The following LARGE1 variants were observed in gnomAD, a reference collection of about 807,000 sequenced individuals.
The protein encoded by LARGE1 is LARGE xylosyl- and glucuronyltransferase 1.
LARGE1 carries 43 observed loss-of-function variants against 87.6 expected under a neutral mutation model. The observed-to-expected ratio is 0.49, with a 90% CI of 0.38 to 0.63. The LOEUF is 0.63. Among genes scored for constraint, LARGE1 ranks in the 30% least tolerant of loss-of-function variants. LARGE1 has a pLI of 0.00. For missense variants in LARGE1, 802 were observed against 1,000.2 expected (o/e 0.80, Z 2.67); for synonymous variants, 434 against 394.6 (o/e 1.10, Z -1.18).
At chr22:33,328,696 C>T (rs1429296076) in intron 10 of LARGE1, among the ~76,000 whole-genome samples, 2 of 152,034 alleles carry the variant, frequency 1.3e-5, no homozygotes, top group African/African-American at 4.8e-5. Flanking sequence ...ATCCATATAA[C>T]AACTAGGAGA....
At chr22:33,754,061 T>TA (rs1255711249) in intron 2 of LARGE1, among the ~76,000 whole-genome samples, 13 of 151,652 alleles carry the variant, frequency 8.6e-5, no homozygotes, top group African/African-American at 3.1e-4. Flanking sequence ...GACTCCATCT[T>TA]AAAAAAAAGT....
intron 9 of LARGE1, among the ~76,000 whole-genome samples, chr22:33,356,090 G>A (rs1940867418): frequency 6.6e-6 from 1 of 152,092 alleles, no homozygotes; most frequent in African/African-American, 2.4e-5. Context: ...AGAACTGTTT[G>A]GACATACACT....
At chr22:33,788,884 A>C (rs1433331230) in intron 1 of LARGE1, among the ~76,000 whole-genome samples, 1 of 152,238 alleles carries the variant, frequency 6.6e-6, no homozygotes, top group Non-Finnish European at 1.5e-5. Context: ...ATTGGAATTT[A>C]TGTTTACAAG....
In LARGE1 at chr22:33,493,602, TCAA is replaced by T. The variant is rs2069961554; in HGVS notation, c.788-61340_788-61338del. ...CTTTATTTATGTGGATAGTTCCAAA[TCAA>T]CACCCACCCCCACAACAGCAGCAAC... On this transcript the variant is annotated intron_variant, in intron 6 of 14. Transcript: ENST00000397394. 2.0e-5 allele frequency among the ~76,000 whole-genome samples: 3 copies of T among 152,124 alleles called. No homozygotes were observed. The South Asian group carries it at 6.2e-4, about 32-fold the overall frequency.
intron 1 of LARGE1, among the ~76,000 whole-genome samples, chr22:33,877,967 CAG>C (rs1675930549): frequency 6.6e-6 from 1 of 151,082 alleles, no homozygotes; most frequent in African/African-American, 2.4e-5. Context: ...ACAGTCCAGA[CAG>C]TATGAAATAA....
intron 11 of LARGE1, among the ~76,000 whole-genome samples, chr22:33,194,322 G>A (rs79372901): frequency 2.8e-3 from 425 of 152,156 alleles, no homozygotes; most frequent in African/African-American, 9.4e-3. Context: ...TATTGCAATC[G>A]TCCTTAACAT....
chr22:33,124,960 G>GAC, the LARGE1 span, among the ~76,000 whole-genome samples: 9 of 152,236 alleles, frequency 5.9e-5, no homozygotes, highest in Non-Finnish European at 1.2e-4. Context: ...GCAGTGAACT[G>GAC]AGTAACAACA....
chr22:33,257,023 T>C (rs1465085442), intron 11 of LARGE1, among the ~76,000 whole-genome samples: 4 of 152,154 alleles, frequency 2.6e-5, no homozygotes, highest in East Asian at 1.9e-4. Context: ...CTAACCAACA[T>C]GGAGAAAACG....
chr22:33,285,515 T>C (rs5998845), intron 12 of LARGE1, among the ~76,000 whole-genome samples: 9,917 of 152,094 alleles, frequency 0.065, 1,070 homozygotes, highest in African/African-American at 0.23. Flanking sequence ...TCCCAGCTAT[T>C]CAGGAGGCTG....
At chr22:33,762,358 G>C (rs1379607344) in intron 1 of LARGE1, among the ~76,000 whole-genome samples, 1 of 151,942 alleles carries the variant, frequency 6.6e-6, no homozygotes, top group East Asian at 1.9e-4. Context: ...GCAGATAAAG[G>C]TGCTGACTGC....
At chr22:33,706,047 G>C (rs1390280689) in intron 2 of LARGE1, among the ~76,000 whole-genome samples, 1 of 152,184 alleles carries the variant, frequency 6.6e-6, no homozygotes, top group Admixed American at 6.5e-5. Flanking sequence ...CACAGGGCTG[G>C]CTCCTAACAG....
chr22:33,525,532 G>A (rs1326298422), intron 6 of LARGE1, among the ~76,000 whole-genome samples: 1 of 152,166 alleles, frequency 6.6e-6, no homozygotes, highest in Non-Finnish European at 1.5e-5. Context: ...CTATAATCAA[G>A]ATGCAGGTCC....
chr22:33,168,781 TC>T (rs1201646400), intron 11 of LARGE1, among the ~76,000 whole-genome samples: 2 of 152,224 alleles, frequency 1.3e-5, no homozygotes, highest in African/African-American at 4.8e-5. Context: ...CTCATCCATT[TC>T]CTAAGGTCTA....
intron 5 of LARGE1, among the ~76,000 whole-genome samples, chr22:33,604,093 TG>T (rs1158568972): frequency 1.3e-5 from 2 of 152,132 alleles, no homozygotes; most frequent in African/African-American, 4.8e-5. Context: ...CCCCAGCCCA[TG>T]GGGGTCTGAG....
At chr22:33,728,603 G>T (rs1420397883) in intron 2 of LARGE1, among the ~76,000 whole-genome samples, 2 of 145,798 alleles carry the variant, frequency 1.4e-5, no homozygotes, top group Non-Finnish European at 3.0e-5. Context: ...CACATTTCCA[G>T]GGGATTTCTT....
chr22:33,448,127 C>T (rs1038004967), intron 6 of LARGE1, among the ~76,000 whole-genome samples: 10 of 152,112 alleles, frequency 6.6e-5, no homozygotes, highest in Admixed American at 2.6e-4. Context: ...TTGGTGGGTT[C>T]GCGGTGTTTT....
chr22:33,192,705 G>T (rs137422), intron 11 of LARGE1, among the ~76,000 whole-genome samples: 95,479 of 151,906 alleles, frequency 0.63, 30,463 homozygotes, highest in African/African-American at 0.71. Context: ...TTGCTTTTGT[G>T]GCCTGTGCTT....
At chr22:33,334,538 C>T (rs1035670903) in intron 10 of LARGE1, among the ~76,000 whole-genome samples, 1 of 151,878 alleles carries the variant, frequency 6.6e-6, no homozygotes, top group Non-Finnish European at 1.5e-5. Flanking sequence ...ACAGCTGAGA[C>T]ATTTAAACAC....
At chr22:33,505,734 AG>A (rs1352187581) in intron 6 of LARGE1, among the ~76,000 whole-genome samples, 2 of 152,146 alleles carry the variant, frequency 1.3e-5, no homozygotes, top group Non-Finnish European at 2.9e-5. Flanking sequence ...GGGTTAGGTG[AG>A]TGGCCATCCC....
Sources: gnomAD v4.1 joint callset for allele counts (sites outside exome capture counted in the v4.1 genomes callset) on GRCh38, gnomAD v4.1.1 for gene constraint, MANE v1.5 for transcripts, NCBI Gene and HGNC (gene_info 2026-07-23, HGNC 2026-07-21) for gene names.